CD164: variants seen among roughly 807,000 people sequenced by gnomAD.
The protein encoded by CD164 is CD164 molecule, also known as sialomucin core protein 24.
A neutral mutation model predicts 24.6 loss-of-function variants in CD164; 11 were observed. The observed-to-expected ratio is 0.45, with a 90% CI of 0.28 to 0.74. The LOEUF is 0.74. Ranked by LOEUF, CD164 falls within the 30% of genes least tolerant of loss-of-function variation. The pLI is 0.13. For missense variants in CD164, 295 were observed against 243.7 expected (o/e 1.21, Z -1.40); for synonymous variants, 126 against 100.3 (o/e 1.26, Z -1.53).
chr6:109,379,910 A>T (rs1122203), intron 1 of CD164: 27 of 324,052 alleles, frequency 8.3e-5, no homozygotes, highest in South Asian at 5.4e-4. Context: ...CTGTCTAACC[A>T]ATCCTTTTTC....
intron 4 of CD164, among the ~76,000 whole-genome samples, chr6:109,374,456 T>A (rs1331576180): frequency 6.6e-6 from 1 of 152,118 alleles, no homozygotes; most frequent in Non-Finnish European, 1.5e-5. Context: ...CTAAACTTAT[T>A]TGCAAACATC....
At position 109,382,389 on chromosome 6, in the gene CD164, G is replaced by C. The variant is rs752217897; in HGVS notation, c.-11C>G. The C allele has an allele frequency of 1.3e-6, 2 of 1,518,834 alleles. No homozygotes were observed. Among genetic ancestry groups the C allele is most frequent in the South Asian group, 1.2e-5 (1 of 81,442 alleles). The allele number at this position is 1,518,834 out of a possible 1,614,324, so 94.1% of individuals were successfully genotyped here. A position where few individuals can be genotyped will look rare whatever the true frequency, so the allele number is the denominator to read the frequency against. ...GGAGAGCCGCGACATCGTGTCCTCAGCGCTGGCGTTCGGGAGAAAGCTAAG... is the reference window on the plus strand; with the variant it reads ...GGAGAGCCGCGACATCGTGTCCTCACCGCTGGCGTTCGGGAGAAAGCTAAG... On this transcript the variant is annotated 5_prime_UTR_variant, in exon 1 of 6. Transcript: ENST00000310786.
intron 4 of CD164, among the ~76,000 whole-genome samples, chr6:109,373,052 A>C (rs530731687): frequency 1.3e-5 from 2 of 152,220 alleles, no homozygotes. Context: ...GGTTAAAAAA[A>C]AATAATAATA....
Position 109,377,917 on chromosome 6 carries a change from G to A in CD164, c.314C>T (p.Thr105Met). The A allele has an allele frequency of 3.1e-6, 5 of 1,613,082 alleles. No individual in the cohort carries two copies. Among genetic ancestry groups the A allele is most frequent in the Non-Finnish European group, 4.2e-6 (5 of 1,179,238 alleles). Residue 105 changes from threonine (T) to methionine (M), a missense_variant, in exon 3 of 6, where the codon ACG (threonine) becomes ATG (methionine). By Grantham distance (81) the Thr-to-Met change is moderately conservative. Transcript: ENST00000310786. Reference protein sequence around the residue: ...STVSDCQVGNTTDFCSVSTAT... With the variant: ...STVSDCQVGNMTDFCSVSTAT... ...ATACTTACCGGAACAGAAGTCTGTC[G>A]TGTTCCCCACTTGACAATCACTAAC...
chr6:109,368,999 A>G lies in CD164; in HGVS notation c.446T>C (p.Val149Ala). 6.2e-7 allele frequency: 1 copy of G among 1,612,986 alleles called. No individual in the cohort carries two copies. The highest frequency in any genetic ancestry group is 8.5e-7 in the Non-Finnish European group (1 of 1,179,526). Residue 149 changes from valine to alanine, a missense_variant, in exon 6 of 6, where the codon GTG becomes GCG. By Grantham distance (64) the Val-to-Ala change is moderately conservative (BLOSUM62 0). Transcript: ENST00000310786. ...VTTSGTTNNT[V>A]TPTSQPVRKS... ...TCGCACAGGTTGTGAGGTTGGAGTC[A>G]CAGTGTTATTTGTTGTACCTGTTAG...
At position 109,378,098 on chromosome 6, in the gene CD164, A is replaced by C. The variant is rs566677642; in HGVS notation, c.260-127T>G. 187 of 696,036 alleles carry C rather than the reference A, an allele frequency of 2.7e-4. 1 individual carries two copies. The highest frequency in any genetic ancestry group is 1.9e-3 in the South Asian group (103 of 55,332). The allele number at this position is 696,036 out of a possible 1,614,324, so 43.1% of individuals were successfully genotyped here. On this transcript the variant is annotated intron_variant, in intron 2 of 5. Coordinates refer to ENST00000310786, the MANE Select transcript of CD164 (RefSeq NM_006016.6). ...AGAAGTGGGCAGGGGGAACCACTTT[A>C]GGTGTTTTGACCTAAAGTTAAACCC...
rs760745693 is a variant in CD164, at chr6:109,368,948, A to C, written c.497T>G (p.Phe166Cys). The part of the protein sequence containing the change: ...VRKSTFDAAS[F>C]IGGIVLVLGV... ...CAAGACCAGGACAATTCCTCCAATG[A>C]AACTGGCTGCATCAAAGGTAGACTT... The change falls in exon 6 of 6, where the codon TTC (phenylalanine) becomes TGC (cysteine). Residue 166 changes from phenylalanine (F) to cysteine (C), a missense_variant. By Grantham distance (205) the Phe-to-Cys change is radical (BLOSUM62 -2). Coordinates refer to ENST00000310786, the MANE Select transcript of CD164 (RefSeq NM_006016.6). 6.2e-7 allele frequency: 1 copy of C among 1,613,982 alleles called. No homozygotes were observed. Among genetic ancestry groups the C allele is most frequent in the Non-Finnish European group, 8.5e-7 (1 of 1,179,910 alleles).
intron 2 of CD164, 64 bp downstream of exon 2, chr6:109,379,515 T>A: frequency 8.3e-7 from 1 of 1,201,536 alleles, no homozygotes; most frequent in Non-Finnish European, 1.2e-6. Flanking sequence ...CTTTCAAGTG[T>A]TCAAGAATTA....
chr6:109,369,796 A>T (rs1770976931), intron 5 of CD164, among the ~76,000 whole-genome samples: 1 of 152,224 alleles, frequency 6.6e-6, no homozygotes, highest in Admixed American at 6.5e-5. Flanking sequence ...GAAATCACAA[A>T]AAGCAGGTAG....
chr6:109,375,592 G>A (rs1771347375), intron 4 of CD164, among the ~76,000 whole-genome samples: 1 of 140,764 alleles, frequency 7.1e-6, no homozygotes, highest in South Asian at 2.2e-4. Context: ...ACTCCAGCCT[G>A]AGCGGCAGAG....
chr6:109,376,042 G>GGAAAA (rs1391060777), intron 4 of CD164, 32 bp downstream of exon 4: 1 of 1,523,502 alleles, frequency 6.6e-7, no homozygotes, highest in South Asian at 1.2e-5. Context: ...AAATACTGAA[G>GGAAAA]GAAAAGGAAG....
At chr6:109,375,617 C>CAAAAAAAAAAAAAAAAAAA (rs58138405) in intron 4 of CD164, among the ~76,000 whole-genome samples, 76 of 71,108 alleles carry the variant, frequency 1.1e-3, no homozygotes, top group Admixed American at 1.3e-3. Context: ...ACTTCGCTTC[C>CAAAAAAAAAAAAAAAAAAA]AAAAAAAAAA....
chr6:109,370,718 G>A, intron 4 of CD164: 2 of 359,296 alleles, frequency 5.6e-6, no homozygotes, highest in Non-Finnish European at 1.0e-5. Context: ...TAAAATCTAT[G>A]TATACATCTG....
rs58138405 is a variant in CD164 at position 109,375,617 on chromosome 6, C to CAAAAAAAAAAAAA, written c.370+444_370+456dup. ...GAGCGGCAGAGCAAGACTTCGCTTC[C>CAAAAAAAAAAAAA]AAAAAAAAAAAAAGAAAAGAAAAAA... On this transcript the variant is annotated intron_variant, in intron 4 of 5. Coordinates refer to ENST00000310786, the MANE Select transcript of CD164 (RefSeq NM_006016.6). Among the ~76,000 whole-genome samples, 620 of 71,184 alleles carry CAAAAAAAAAAAAA rather than the reference C, an allele frequency of 8.7e-3. 9 individuals carry two copies. The highest frequency in any genetic ancestry group is 0.016 in the Non-Finnish European group (443 of 28,336). 46.7% of individuals were successfully genotyped at this position (71,184 alleles called of 152,430 possible).
rs895055982 is a variant in CD164 at position 109,381,652 on chromosome 6, G to A, written c.175+552C>T. On this transcript the variant is annotated intron_variant, in intron 1 of 5. Coordinates refer to ENST00000310786, the MANE Select transcript of CD164 (RefSeq NM_006016.6). ...TTCTATTCCTATCTGCAAAACCAAT[G>A]TAATTAAATCTCAAGCGACCTTCTC... is the stretch of plus-strand genomic sequence containing the variant. 2.4e-4 allele frequency: 168 copies of A among 697,502 alleles called. 1 individual carries two copies. Among genetic ancestry groups the A allele is most frequent in the Middle Eastern group, 6.9e-4 (3 of 4,348 alleles). 43.2% of individuals were successfully genotyped at this position (697,502 alleles called of 1,614,324 possible).
chr6:109,374,614 C>G lies in CD164; in HGVS notation c.370+1460G>C, dbSNP rs150745071. Among the ~76,000 whole-genome samples, 4 of 152,314 alleles carry G rather than the reference C, an allele frequency of 2.6e-5. No individual in the cohort carries two copies. In the East Asian group the frequency reaches 7.7e-4, roughly 29 times the overall value. ...CAAGTCTGATCATATGACCTATAAA[C>G]TTTAAAATCTTTCAGGATAACATCT... On this transcript the variant is annotated intron_variant, in intron 4 of 5. Transcript: ENST00000310786.
rs1433391371 is a variant in CD164 at position 109,368,383 on chromosome 6, T to C, written c.*468A>G. The stretch of plus-strand genomic sequence containing the variant: ...AAAATTTTAATCTAAGGATACCATT[T>C]AGTACTACTAAATTAATAAATTTAT... On this transcript the variant is annotated 3_prime_UTR_variant, in exon 6 of 6. Coordinates refer to ENST00000310786, the MANE Select transcript of CD164 (RefSeq NM_006016.6). The C allele has an allele frequency of 2.7e-6, 4 of 1,490,656 alleles. No homozygotes were observed. Among genetic ancestry groups the C allele is most frequent in the Admixed American group, 5.3e-5 (2 of 37,418 alleles). 92.3% of individuals were successfully genotyped at this position (1,490,656 alleles called of 1,614,324 possible).
chr6:109,382,422 A>T lies in CD164; in HGVS notation c.-44T>A. The T allele has an allele frequency of 6.8e-7, 1 of 1,463,292 alleles. No individual in the cohort carries two copies. Among genetic ancestry groups the T allele is most frequent in the Admixed American group, 2.2e-5 (1 of 45,292 alleles). The allele number at this position is 1,463,292 out of a possible 1,614,324, so 90.6% of individuals were successfully genotyped here. On this transcript the variant is annotated 5_prime_UTR_variant, in exon 1 of 6. It adds an upstream start codon to the 5' untranslated region. Transcript: ENST00000310786. ...GTTCGGGAGAAAGCTAAGGCTCGCAACGCTCAGTCAACCCCTCAATCCCCT... is the reference window on the plus strand; with the variant it reads ...GTTCGGGAGAAAGCTAAGGCTCGCATCGCTCAGTCAACCCCTCAATCCCCT...
chr6:109,370,713 T>C (rs1313786251), intron 4 of CD164: 1 of 397,332 alleles, frequency 2.5e-6, no homozygotes, highest in Non-Finnish European at 4.6e-6. Flanking sequence ...TTGTATAAAA[T>C]CTATGTATAC....
Sources: gnomAD v4.1 joint callset for allele counts (sites outside exome capture counted in the v4.1 genomes callset) on GRCh38, gnomAD v4.1.1 for gene constraint, MANE v1.5 for transcripts, NCBI Gene and HGNC (gene_info 2026-07-23, HGNC 2026-07-21) for gene names.